DIP2B: variants seen among roughly 807,000 people sequenced by gnomAD.
The protein encoded by DIP2B is disco-interacting protein 2 homolog B.
In DIP2B, 76 loss-of-function variants were observed where a neutral mutation model predicts 198.0. That is an observed-to-expected ratio of 0.38 (90% CI 0.32 to 0.46). DIP2B has a LOEUF of 0.46. Among genes scored for constraint, DIP2B ranks in the 20% least tolerant of loss-of-function variants. The probability of loss-of-function intolerance (pLI) is 0.99; values close to 1 mark genes in which losing one functional copy is unlikely to be tolerated. For synonymous variants in DIP2B, 701 were observed against 739.1 expected (o/e 0.95, Z 0.84); for missense variants, 1,559 against 1,978.4 (o/e 0.79, Z 4.02).
intron 1 of DIP2B, among the ~76,000 whole-genome samples, chr12:50,566,776 T>C (rs892807236): frequency 6.6e-6 from 1 of 152,104 alleles, no homozygotes; most frequent in Non-Finnish European, 1.5e-5. Context: ...GAGACCATCC[T>C]GGCTAACACG....
chr12:50,543,200 C>G (rs1958342033), intron 1 of DIP2B, among the ~76,000 whole-genome samples: 1 of 152,062 alleles, frequency 6.6e-6, no homozygotes, highest in South Asian at 2.1e-4. Context: ...ACATATACAT[C>G]CTCCACCAAG....
At chr12:50,717,426 C>T (rs567167567) in intron 23 of DIP2B, among the ~76,000 whole-genome samples, 7 of 137,422 alleles carry the variant, frequency 5.1e-5, no homozygotes, top group African/African-American at 1.4e-4. Context: ...AGTGCAGTGG[C>T]GCGATCTTGG....
chr12:50,703,095 C>T (rs1287257610), intron 19 of DIP2B, among the ~76,000 whole-genome samples: 2 of 151,906 alleles, frequency 1.3e-5, no homozygotes, highest in African/African-American at 4.8e-5. Flanking sequence ...TGGTAACCCG[C>T]ACCTGTACTC....
chr12:50,534,369 A>T (rs1344057976), intron 1 of DIP2B, among the ~76,000 whole-genome samples: 46 of 107,844 alleles, frequency 4.3e-4, no homozygotes, highest in South Asian at 9.2e-4. Context: ...TTCTCATTTC[A>T]TTTTTTTTTT....
At chr12:50,544,369 C>T (rs1216439842) in intron 1 of DIP2B, among the ~76,000 whole-genome samples, 3 of 152,138 alleles carry the variant, frequency 2.0e-5, no homozygotes, top group African/African-American at 7.2e-5. Flanking sequence ...TGCAGTAGCA[C>T]GGTCTCAGCT....
chr12:50,546,693 A>G (rs919374896), intron 1 of DIP2B, among the ~76,000 whole-genome samples: 1 of 152,224 alleles, frequency 6.6e-6, no homozygotes, highest in Non-Finnish European at 1.5e-5. Flanking sequence ...ATAGGTGCCC[A>G]GTAAATGTTA....
At chr12:50,686,481 T>G in intron 11 of DIP2B, 92 bp from the exon 12 acceptor site, 1 of 1,040,906 alleles carries the variant, frequency 9.6e-7, no homozygotes, top group Non-Finnish European at 1.4e-6. Flanking sequence ...ATGATCTTAA[T>G]TTGGTCTCTT....
At chr12:50,514,630 C>T (rs1205915141) in intron 1 of DIP2B, among the ~76,000 whole-genome samples, 2 of 152,128 alleles carry the variant, frequency 1.3e-5, no homozygotes, top group East Asian at 3.8e-4. Flanking sequence ...TTCAACCTCT[C>T]ACTTAACACT....
intron 3 of DIP2B, among the ~76,000 whole-genome samples, chr12:50,655,691 A>G (rs1226248439): frequency 1.3e-5 from 2 of 152,246 alleles, no homozygotes; most frequent in Non-Finnish European, 2.9e-5. Flanking sequence ...GTAAGATAGC[A>G]ATTTTTGGCT....
chr12:50,617,707 G>C (rs1180790277), intron 1 of DIP2B, among the ~76,000 whole-genome samples: 1 of 152,072 alleles, frequency 6.6e-6, no homozygotes, highest in African/African-American at 2.4e-5. Context: ...TACTTGGAAG[G>C]CTGAGGCAGG....
chr12:50,684,813 G>T lies in DIP2B; in HGVS notation c.1318-1020G>T, dbSNP rs766294044. ...AAAAAAATAAAAGAAGAAATCAGCC[G>T]GGCCGCAGTGGCTTATGCCTGTAAT... is the stretch of plus-strand genomic sequence containing the variant. On this transcript the variant is annotated intron_variant, in intron 10 of 37. Transcript: ENST00000301180. 6.6e-5 allele frequency among the ~76,000 whole-genome samples: 10 copies of T among 151,238 alleles called. No homozygotes were observed. The Admixed American group carries it at 6.6e-4, about 10-fold the overall frequency.
intron 1 of DIP2B, among the ~76,000 whole-genome samples, chr12:50,584,061 C>T (rs985146530): frequency 2.0e-5 from 3 of 152,160 alleles, no homozygotes; most frequent in African/African-American, 7.2e-5. Context: ...CCCTGGAGCT[C>T]AGTCTTGGGC....
At chr12:50,531,157 T>C (rs1481026357) in intron 1 of DIP2B, among the ~76,000 whole-genome samples, 1 of 152,194 alleles carries the variant, frequency 6.6e-6, no homozygotes, top group Non-Finnish European at 1.5e-5. Flanking sequence ...GCCATTCTCC[T>C]GCCTCAGCCT....
At position 50,718,990 on chromosome 12, in the gene DIP2B, C is replaced by T; in HGVS notation, c.2997C>T (p.Ala999=). The change falls in exon 25 of 38, where the codon GCC becomes GCT. Residue 999 remains alanine, a synonymous_variant. Coordinates refer to ENST00000301180, the MANE Select transcript of DIP2B (RefSeq NM_173602.3). ...TGGCAGAGATCCTACAGTGGCGAGC[C>T]CAGGCGACTCCTGACCATGTACTCT... ...QFLAEILQWR[A]QATPDHVLFM... The T allele has an allele frequency of 6.2e-7, 1 of 1,614,124 alleles. No homozygotes were observed. The highest frequency in any genetic ancestry group is 8.5e-7 in the Non-Finnish European group (1 of 1,180,010).
intron 1 of DIP2B, among the ~76,000 whole-genome samples, chr12:50,579,118 G>A (rs1958691080): frequency 6.6e-6 from 1 of 152,130 alleles, no homozygotes; most frequent in Admixed American, 6.5e-5. Context: ...TTGTTTGAGA[G>A]TTGTGAGCTG....
At chr12:50,644,497 T>C (rs1938315931) in intron 3 of DIP2B, among the ~76,000 whole-genome samples, 1 of 152,210 alleles carries the variant, frequency 6.6e-6, no homozygotes, top group Non-Finnish European at 1.5e-5. Flanking sequence ...GGGAGAGATG[T>C]CCAAAGTCAC....
chr12:50,726,294 G>A (rs900029512), intron 28 of DIP2B, among the ~76,000 whole-genome samples: 18 of 152,160 alleles, frequency 1.2e-4, no homozygotes, highest in Non-Finnish European at 2.2e-4. Flanking sequence ...TAAAGCACAT[G>A]GGGGGAAGCA....
intron 1 of DIP2B, among the ~76,000 whole-genome samples, chr12:50,600,894 T>TGAC (rs377170949): frequency 3.3e-5 from 4 of 121,500 alleles, no homozygotes; most frequent in South Asian, 3.0e-4. Flanking sequence ...ATGACCACCA[T>TGAC]CACCACCACC....
intron 1 of DIP2B, among the ~76,000 whole-genome samples, chr12:50,537,482 T>G (rs1958281362): frequency 6.6e-6 from 1 of 151,940 alleles, no homozygotes; most frequent in South Asian, 2.1e-4. Context: ...AGTTGCCGGT[T>G]TGGGGTGAAG....
Sources: gnomAD v4.1 joint callset for allele counts (sites outside exome capture counted in the v4.1 genomes callset) on GRCh38, gnomAD v4.1.1 for gene constraint, MANE v1.5 for transcripts, NCBI Gene and HGNC (gene_info 2026-07-23, HGNC 2026-07-21) for gene names.